PTPRN2: variants seen among roughly 807,000 people sequenced by gnomAD.
The protein encoded by PTPRN2 is protein tyrosine phosphatase receptor type N2, also known as receptor-type tyrosine-protein phosphatase N2.
PTPRN2 carries 74 observed loss-of-function variants against 118.8 expected under a neutral mutation model. The observed-to-expected ratio is 0.62, with a 90% CI of 0.52 to 0.76. The LOEUF is 0.76. PTPRN2 is among the 30% of genes least tolerant of loss of function. The pLI, the probability that PTPRN2 is intolerant of heterozygous loss-of-function variation, is 0.00. For synonymous variants in PTPRN2, 641 were observed against 608.0 expected, an observed-to-expected ratio of 1.05 and a Z score of -0.80; for missense variants, 1,481 against 1,394.4, an observed-to-expected ratio of 1.06 and a Z score of -0.99.
At chr7:157,743,612 G>A (rs1800758127) in intron 12 of PTPRN2, among the ~76,000 whole-genome samples, 1 of 152,036 alleles carries the variant, frequency 6.6e-6, no homozygotes, top group Admixed American at 6.6e-5. Flanking sequence ...TTGGGCTCCT[G>A]GCAAGCCATG....
chr7:158,523,679 G>GGAGTCGTCTGCCCTGGAGCA (rs1344770922), intron 1 of PTPRN2, among the ~76,000 whole-genome samples: 2 of 147,918 alleles, frequency 1.4e-5, no homozygotes, highest in Admixed American at 6.7e-5. Context: ...GCCCTGGAGC[G>GGAGTCGTCTGCCCTGGAGCA]GAGTCGTCTG....
chr7:158,097,561 C>T (rs1330463542), intron 10 of PTPRN2, among the ~76,000 whole-genome samples: 3 of 152,170 alleles, frequency 2.0e-5, no homozygotes, highest in East Asian at 1.9e-4. Context: ...TCACAGAGCC[C>T]GTCTCACTGT....
chr7:158,201,137 A>G (rs1440549254), intron 4 of PTPRN2, among the ~76,000 whole-genome samples: 1 of 151,964 alleles, frequency 6.6e-6, no homozygotes, highest in Non-Finnish European at 1.5e-5. Flanking sequence ...TGCAGCCTCA[A>G]TCCCCCGGGC....
At chr7:158,163,735 G>A (rs547902903) in intron 6 of PTPRN2, among the ~76,000 whole-genome samples, 96 of 149,384 alleles carry the variant, frequency 6.4e-4, no homozygotes, top group African/African-American at 2.2e-3. Flanking sequence ...CCTGTACCGG[G>A]TTCTCAATTC....
chr7:157,867,548 ACGGCCACCACCC>A (rs1810783886), intron 12 of PTPRN2, among the ~76,000 whole-genome samples: 1 of 128,218 alleles, frequency 7.8e-6, no homozygotes, highest in African/African-American at 3.1e-5. Flanking sequence ...CTCTGGATAC[ACGGCCACCACCC>A]TGTCCCTGAC....
At chr7:158,320,907 T>C (rs149102887) in intron 2 of PTPRN2, among the ~76,000 whole-genome samples, 32 of 152,234 alleles carry the variant, frequency 2.1e-4, no homozygotes, top group Non-Finnish European at 4.3e-4. Flanking sequence ...AGCAGTGAAA[T>C]AGAAAATTAA....
intron 3 of PTPRN2, among the ~76,000 whole-genome samples, chr7:158,215,366 C>T (rs891529740): frequency 2.0e-5 from 3 of 151,998 alleles, no homozygotes; most frequent in Admixed American, 1.3e-4. Flanking sequence ...TCAGCAACTG[C>T]GGGGCTATAA....
At chr7:157,811,781 C>T (rs879605812) in intron 12 of PTPRN2, among the ~76,000 whole-genome samples, 11 of 152,124 alleles carry the variant, frequency 7.2e-5, no homozygotes, top group East Asian at 1.9e-4. Context: ...GTCCAAACAG[C>T]GGGTCCAATT....
At position 158,587,617 on chromosome 7, in the gene PTPRN2, C is replaced by G; in HGVS notation, c.53G>C (p.Arg18Pro). ...LLLLLLLLPP[R>P]VLPAAPSSVP... Reference sequence around the variant, plus strand: ...GGACGAAGGGGCGGCAGGCAGGACGCGTGGCGGCAGCAGCAGCAGTAGCAG... The same window carrying G: ...GGACGAAGGGGCGGCAGGCAGGACGGGTGGCGGCAGCAGCAGCAGTAGCAG... Residue 18 changes from arginine to proline, a missense_variant, in exon 1 of 23, where the codon CGC becomes CCC. This residue lies in a region of PTPRN2 where 1,115 missense variants were observed against 994.2 expected (regional missense o/e 1.12). Coordinates refer to ENST00000389418, the MANE Select transcript of PTPRN2 (RefSeq NM_002847.5). The G allele has an allele frequency of 1.5e-6, 2 of 1,361,654 alleles. No homozygotes were observed. Among genetic ancestry groups the G allele is most frequent in the Non-Finnish European group, 1.9e-6 (2 of 1,063,316 alleles). The allele number at this position is 1,361,654 out of a possible 1,614,324, so 84.3% of individuals were successfully genotyped here.
At chr7:158,150,619 G>A (rs955672450) in intron 6 of PTPRN2, among the ~76,000 whole-genome samples, 8 of 152,256 alleles carry the variant, frequency 5.3e-5, no homozygotes, top group Admixed American at 2.6e-4. Flanking sequence ...TTAAGATCTC[G>A]GTGTCATCTC....
At position 158,565,795 on chromosome 7, in the gene PTPRN2, CA is replaced by C. The variant is rs1563440158; in HGVS notation, c.112+21762del. ...ACCCGCACGTCTAGAGACTGTCCCACATCTCCAAACACAGATCTGCCTATTG... is the reference window on the plus strand; with the variant it reads ...ACCCGCACGTCTAGAGACTGTCCCACTCTCCAAACACAGATCTGCCTATTG... On this transcript the variant is annotated intron_variant, in intron 1 of 22. Transcript: ENST00000389418. This position sits in a 1 kb window ranked among gnomAD's most constrained non-coding sequence, Gnocchi z 4.6. Among the ~76,000 whole-genome samples the C allele has an allele frequency of 1.3e-5, 2 of 152,216 alleles. No individual in the cohort carries two copies. The highest frequency in any genetic ancestry group is 2.9e-5 in the Non-Finnish European group (2 of 68,042).
At position 157,881,986 on chromosome 7, in the gene PTPRN2, C is replaced by CA. The variant is rs1584943094; in HGVS notation, c.1788+16686dup. Among the ~76,000 whole-genome samples, 1 of 152,102 alleles carries CA rather than the reference C, an allele frequency of 6.6e-6. No individual in the cohort carries two copies. Among genetic ancestry groups the CA allele is most frequent in the South Asian group, 2.1e-4 (1 of 4,818 alleles). The stretch of plus-strand genomic sequence containing the variant: ...TGTCATACATCAGAACATGCCACCC[C>CA]AAAAACAACTGTCGAAGAACAGAAC... On this transcript the variant is annotated intron_variant, in intron 12 of 22. Transcript: ENST00000389418. The surrounding 1 kb of genome is among the most constrained non-coding windows in gnomAD (Gnocchi z 4.7).
intron 12 of PTPRN2, among the ~76,000 whole-genome samples, chr7:157,791,557 C>G (rs1461677457): frequency 6.9e-6 from 1 of 144,968 alleles, no homozygotes; most frequent in Non-Finnish European, 1.5e-5. Context: ...CCACCTGCCC[C>G]CCCTCCCTGC....
rs538635019 is a variant in PTPRN2, at chr7:157,663,951, G to A, written c.2002-7400C>T. On this transcript the variant is annotated intron_variant, in intron 13 of 22. Coordinates refer to ENST00000389418, the MANE Select transcript of PTPRN2 (RefSeq NM_002847.5). ...GTAATGGTTTAGCCAGTGCCAACGAGACAAACCTCACAGCATTTGAAATCG... is the reference window on the plus strand; with the variant it reads ...GTAATGGTTTAGCCAGTGCCAACGAAACAAACCTCACAGCATTTGAAATCG... 9.8e-4 allele frequency among the ~76,000 whole-genome samples: 150 copies of A among 152,354 alleles called. 1 individual carries two copies. Among genetic ancestry groups the A allele is most frequent in the Middle Eastern group, 3.4e-3 (1 of 294 alleles).
intron 2 of PTPRN2, among the ~76,000 whole-genome samples, chr7:158,357,602 C>T (rs921105554): frequency 9.8e-5 from 15 of 152,334 alleles, no homozygotes; most frequent in African/African-American, 2.6e-4. Flanking sequence ...CCGTCAGCTG[C>T]GGGTGCTAAG....
At chr7:158,251,350 C>T (rs1356160195) in intron 3 of PTPRN2, among the ~76,000 whole-genome samples, 6 of 152,268 alleles carry the variant, frequency 3.9e-5, no homozygotes, top group East Asian at 1.9e-4. Flanking sequence ...CATGTGCATG[C>T]GGTATGTGTG....
At chr7:158,396,504 G>A (rs920543295) in intron 2 of PTPRN2, among the ~76,000 whole-genome samples, 4 of 151,798 alleles carry the variant, frequency 2.6e-5, no homozygotes, top group Non-Finnish European at 5.9e-5. Context: ...CATGTGGAGG[G>A]AGCGAGCTGC....
intron 12 of PTPRN2, among the ~76,000 whole-genome samples, chr7:157,726,815 T>C (rs1799629599): frequency 6.6e-6 from 1 of 152,190 alleles, no homozygotes; most frequent in Admixed American, 6.5e-5. Context: ...ACAATAACGA[T>C]GGAAAACCAT....
rs939006984 is a variant in PTPRN2, at chr7:158,438,798, C to T, written c.163+50937G>A. Among the ~76,000 whole-genome samples the T allele has an allele frequency of 6.6e-6, 1 of 152,122 alleles. No individual in the cohort carries two copies. The highest frequency in any genetic ancestry group is 1.5e-5 in the Non-Finnish European group (1 of 68,014). ...ACCAGGGGTCAGCAAACCAGAGCCC[C>T]GGGACCTACCCCACCTGTCTTTTCA... On this transcript the variant is annotated intron_variant, in intron 2 of 22. Coordinates refer to ENST00000389418, the MANE Select transcript of PTPRN2 (RefSeq NM_002847.5). This position sits in a 1 kb window ranked among gnomAD's most constrained non-coding sequence, Gnocchi z 4.7.
Sources: gnomAD v4.1 joint callset for allele counts (sites outside exome capture counted in the v4.1 genomes callset) on GRCh38, gnomAD v4.1.1 for gene constraint, gnomAD v4.1.1 regional missense constraint, Gnocchi (gnomAD v3.1) non-coding constraint, MANE v1.5 for transcripts, NCBI Gene and HGNC (gene_info 2026-07-23, HGNC 2026-07-21) for gene names.